ARHGEF26: variants seen among roughly 807,000 people sequenced by gnomAD.
ARHGEF26 encodes the protein Rho guanine nucleotide exchange factor 26, also known as Rho guanine nucleotide exchange factor (GEF) 26.
In ARHGEF26, 59 loss-of-function variants were observed where a neutral mutation model predicts 89.4. The observed-to-expected ratio is 0.66, with a 90% CI of 0.54 to 0.82. The LOEUF (loss-of-function observed/expected upper bound fraction) is 0.82, where lower values mean the gene tolerates loss of function less well. Among genes scored for constraint, ARHGEF26 ranks in the 40% least tolerant of loss-of-function variants. ARHGEF26 has a pLI of 0.00. For synonymous variants in ARHGEF26, 500 were observed against 428.4 expected (o/e 1.17, Z -2.06); for missense variants, 1,234 against 1,085.6 (o/e 1.14, Z -1.92).
chr3:154,184,995 A>G (rs9289938), intron 6 of ARHGEF26, among the ~76,000 whole-genome samples: 34,422 of 151,972 alleles, frequency 0.23, 4,060 homozygotes, highest in South Asian at 0.37. Flanking sequence ...TCCACTGCCC[A>G]TTGTGCTTTG....
At chr3:154,143,414 G>A (rs1361346151) in intron 4 of ARHGEF26, among the ~76,000 whole-genome samples, 8 of 151,742 alleles carry the variant, frequency 5.3e-5, no homozygotes, top group Admixed American at 5.3e-4. Flanking sequence ...GACCTTCTAT[G>A]TCATTAAATA....
At position 154,256,594 on chromosome 3, in the gene ARHGEF26, T is replaced by TA. The variant is rs1015398106; in HGVS notation, c.*1127dup. 2.2e-5 allele frequency: 18 copies of TA among 808,950 alleles called. No homozygotes were observed. In the Admixed American group the frequency reaches 4.8e-4, roughly 22 times the overall value. The allele number at this position is 808,950 out of a possible 1,614,324, so 50.1% of individuals were successfully genotyped here. Reference sequence around the variant, plus strand: ...AAAAAAACCTTCCCAAATGAGCTGATAAAAAACTGACGTGAGGCTGCTTTG... The same window carrying TA: ...AAAAAAACCTTCCCAAATGAGCTGATAAAAAAACTGACGTGAGGCTGCTTTG... On this transcript the variant is annotated 3_prime_UTR_variant, in exon 15 of 15. Transcript: ENST00000465093.
chr3:154,188,321 G>A (rs1168337373), intron 7 of ARHGEF26, among the ~76,000 whole-genome samples: 1 of 152,212 alleles, frequency 6.6e-6, no homozygotes, highest in African/African-American at 2.4e-5. Context: ...TGGGTAGTTA[G>A]AGTTGAAGAG....
intron 4 of ARHGEF26, among the ~76,000 whole-genome samples, chr3:154,144,659 G>A (rs566855759): frequency 5.6e-4 from 85 of 152,342 alleles, no homozygotes; most frequent in African/African-American, 2.0e-3. Flanking sequence ...GGCTCTGTCT[G>A]TAGATGGTGA....
intron 8 of ARHGEF26, among the ~76,000 whole-genome samples, chr3:154,194,086 C>G (rs1306870166): frequency 6.6e-6 from 1 of 152,038 alleles, no homozygotes; most frequent in Non-Finnish European, 1.5e-5. Flanking sequence ...CCTTGGCTTT[C>G]CAAAGTGCTG....
Position 154,217,969 on chromosome 3 carries a change from A to G in ARHGEF26, c.1935+11A>G. 2 of 1,565,078 alleles carry G rather than the reference A, an allele frequency of 1.3e-6. No homozygotes were observed. Among genetic ancestry groups the G allele is most frequent in the Middle Eastern group, 1.7e-4 (1 of 6,014 alleles). On this transcript the variant is annotated intron_variant, in intron 10 of 14. Coordinates refer to ENST00000465093, the MANE Select transcript of ARHGEF26 (RefSeq NM_015595.4). Reference sequence around the variant, plus strand: ...GAATTTAAAATTAAGGTATTCTCGTACCTTGTTCATTACTGTTCTTGCCTA... The same window carrying G: ...GAATTTAAAATTAAGGTATTCTCGTGCCTTGTTCATTACTGTTCTTGCCTA...
At position 154,221,216 on chromosome 3, in the gene ARHGEF26, CAA is replaced by C. The variant is rs544610684; in HGVS notation, c.1935+3260_1935+3261del. Among the ~76,000 whole-genome samples the C allele has an allele frequency of 1.7e-4, 25 of 151,082 alleles. No individual in the cohort carries two copies. In the South Asian group the frequency reaches 4.2e-3, roughly 25 times the overall value. On this transcript the variant is annotated intron_variant, in intron 10 of 14. Coordinates refer to ENST00000465093, the MANE Select transcript of ARHGEF26 (RefSeq NM_015595.4). ...CCAGAAAAGGAAATCCAAATGATGA[CAA>C]AGTTTTGAAGATGCTTTATTTCACT...
At chr3:154,225,710 T>C in intron 10 of ARHGEF26, 146 bp from the exon 11 acceptor site, 8 of 733,648 alleles carry the variant, frequency 1.1e-5, no homozygotes, top group Non-Finnish European at 1.6e-5. Flanking sequence ...CTTCTGTATT[T>C]ATAGTTCAGT....
chr3:154,210,938 C>A lies in ARHGEF26; in HGVS notation c.1846-6931C>A, dbSNP rs574976322. ...AGCCTGGGCGACAGATTAAGTCTGT[C>A]CCCCCACCAAAAAAAAAAAAATTTG... On this transcript the variant is annotated intron_variant, in intron 9 of 14. Coordinates refer to ENST00000465093, the MANE Select transcript of ARHGEF26 (RefSeq NM_015595.4). Among the ~76,000 whole-genome samples the A allele has an allele frequency of 6.6e-5, 10 of 151,222 alleles. No individual in the cohort carries two copies. The East Asian group carries it at 1.8e-3, about 27-fold the overall frequency.
intron 9 of ARHGEF26, among the ~76,000 whole-genome samples, chr3:154,202,270 C>T (rs1408425517): frequency 1.3e-5 from 2 of 152,074 alleles, no homozygotes; most frequent in Non-Finnish European, 2.9e-5. Flanking sequence ...GATTCCTTTC[C>T]CTATTTCTTG....
At chr3:154,195,007 C>A in intron 9 of ARHGEF26, among the ~76,000 whole-genome samples, 1 of 152,166 alleles carries the variant, frequency 6.6e-6, no homozygotes, top group Non-Finnish European at 1.5e-5. Context: ...TGAGTATCAA[C>A]CACTGTGCCA....
At chr3:154,162,351 T>C (rs141287768) in intron 6 of ARHGEF26, among the ~76,000 whole-genome samples, 6 of 152,284 alleles carry the variant, frequency 3.9e-5, no homozygotes, top group African/African-American at 1.4e-4. Flanking sequence ...GCAGACTTTT[T>C]AAAGCCTTCT....
intron 11 of ARHGEF26, among the ~76,000 whole-genome samples, chr3:154,235,476 A>C (rs1007821730): frequency 3.3e-5 from 5 of 152,216 alleles, no homozygotes; most frequent in African/African-American, 7.2e-5. Context: ...ACTTGGTAGT[A>C]TATTTTCAGT....
In ARHGEF26 at chr3:154,191,321, C is replaced by CAAGG; in HGVS notation, c.1675_1678dup (p.Ile560LysfsTer3). 1.2e-6 allele frequency: 2 copies of CAAGG among 1,613,052 alleles called. No homozygotes were observed. The highest frequency in any genetic ancestry group is 1.7e-6 in the Non-Finnish European group (2 of 1,179,494). On this transcript the variant is annotated frameshift_variant, in exon 8 of 15. Transcript: ENST00000465093. LOFTEE classifies it high-confidence loss of function. ...AATCCATCCTTTAAGGAAGTATTGT[C>CAAGG]AAGGATTGAGTCCCATGAAGACTGT...
chr3:154,250,617 G>A (rs1420376094), intron 12 of ARHGEF26, among the ~76,000 whole-genome samples: 3 of 152,274 alleles, frequency 2.0e-5, no homozygotes, highest in South Asian at 2.1e-4. Flanking sequence ...TGCCAGAGAC[G>A]GTGTCTGTGT....
At chr3:154,132,002 A>T (rs984937677) in intron 4 of ARHGEF26, among the ~76,000 whole-genome samples, 3 of 152,116 alleles carry the variant, frequency 2.0e-5, no homozygotes, top group African/African-American at 7.2e-5. Context: ...GTGATTTCTG[A>T]TTTTAGTGTA....
intron 6 of ARHGEF26, among the ~76,000 whole-genome samples, chr3:154,161,099 TTTG>T (rs1212865012): frequency 0.013 from 1,853 of 147,314 alleles, 38 homozygotes; most frequent in African/African-American, 0.042. Context: ...GGTAGCCAGG[TTTG>T]TGTGTGTGTG....
intron 6 of ARHGEF26, among the ~76,000 whole-genome samples, chr3:154,183,677 T>C (rs1713320475): frequency 6.6e-6 from 1 of 152,238 alleles, no homozygotes; most frequent in Non-Finnish European, 1.5e-5. Flanking sequence ...GTCTTAATTA[T>C]GTCAATGTAA....
intron 7 of ARHGEF26, 60 bp from the exon 8 acceptor site, chr3:154,191,229 T>C (rs1311441587): frequency 6.6e-7 from 1 of 1,523,340 alleles, no homozygotes; most frequent in Non-Finnish European, 8.9e-7. Flanking sequence ...ACATTTTTAC[T>C]TGCTGCTTAA....
Sources: gnomAD v4.1 joint callset for allele counts (sites outside exome capture counted in the v4.1 genomes callset) on GRCh38, gnomAD v4.1.1 for gene constraint, MANE v1.5 for transcripts, NCBI Gene and HGNC (gene_info 2026-07-23, HGNC 2026-07-21) for gene names.